ABCB11: variants seen among roughly 807,000 people sequenced by gnomAD.
ABCB11 encodes ATP binding cassette subfamily B member 11, also known as bile salt export pump.
A neutral mutation model predicts 148.0 loss-of-function variants in ABCB11; 95 were observed. That is an observed-to-expected ratio of 0.64 (90% confidence interval 0.54 to 0.76). The LOEUF (loss-of-function observed/expected upper bound fraction) is 0.76, where lower values mean the gene tolerates loss of function less well. ABCB11 is among the 30% of genes least tolerant of loss of function. ABCB11 has a pLI of 0.00. For missense variants in ABCB11, 1,523 were observed against 1,617.8 expected (o/e 0.94, Z 1.01); for synonymous variants, 591 against 555.4 (o/e 1.06, Z -0.90).
chr2:169,004,787 G>A (rs1187585259), intron 5 of ABCB11, among the ~76,000 whole-genome samples: 1 of 152,150 alleles, frequency 6.6e-6, no homozygotes, highest in East Asian at 1.9e-4. Flanking sequence ...CTATGTCAGA[G>A]GGAAGATCTG....
rs66474338 is a variant in ABCB11, at chr2:168,969,116, T to TA, written c.2011+233dup. Among the ~76,000 whole-genome samples the TA allele has an allele frequency of 0.53, 73,537 of 139,978 alleles. 19,270 individuals carry two copies. Among genetic ancestry groups the TA allele is most frequent in the Non-Finnish European group, 0.59 (38,473 of 65,098 alleles). The allele number at this position is 139,978 out of a possible 152,430, so 91.8% of individuals were successfully genotyped here. A position where few individuals can be genotyped will look rare whatever the true frequency, so the allele number is the denominator to read the frequency against. On this transcript the variant is annotated intron_variant, in intron 16 of 27. Coordinates refer to ENST00000650372, the MANE Select transcript of ABCB11 (RefSeq NM_003742.4). ...GAAGCCTCTTCTATTTGCGCAGGGTTAAAAAAAAAAAAAAAGGGGGGGATG... is the reference window on the plus strand; with the variant it reads ...GAAGCCTCTTCTATTTGCGCAGGGTTAAAAAAAAAAAAAAAAGGGGGGGATG...
At chr2:168,981,714 C>T (rs780399578) in intron 10 of ABCB11, among the ~76,000 whole-genome samples, 4 of 152,056 alleles carry the variant, frequency 2.6e-5, no homozygotes, top group African/African-American at 7.2e-5. Flanking sequence ...GCCCTAGATC[C>T]GGGGCCAGCA....
In ABCB11 at chr2:168,936,412, T is replaced by C; in HGVS notation, c.2632A>G (p.Met878Val). 2 of 1,613,914 alleles carry C rather than the reference T, an allele frequency of 1.2e-6. No homozygotes were observed. The highest frequency in any genetic ancestry group is 2.7e-5 in the African/African-American group (2 of 75,030). The change falls in exon 22 of 28, where the codon ATG becomes GTG. Residue 878 changes from methionine to valine, a missense_variant. By Grantham distance (21) the Met-to-Val change is conservative. Coordinates refer to ENST00000650372, the MANE Select transcript of ABCB11 (RefSeq NM_003742.4). The stretch of plus-strand genomic sequence containing the variant: ...ACGTTAGTGAAGGAATTGACTATCA[T>C]CCCGATCTGAGAGCCGGCAGCCTGC... ...VQGAAGSQIG[M>V]IVNSFTNVTV...
chr2:168,986,326 C>A, intron 9 of ABCB11, 42 bp from the exon 10 acceptor site: 1 of 1,547,418 alleles, frequency 6.5e-7, no homozygotes, highest in African/African-American at 1.4e-5. Flanking sequence ...GCAGAAACAG[C>A]TCAAGTTATA....
intron 23 of ABCB11, among the ~76,000 whole-genome samples, chr2:168,934,054 GC>G (rs1691708178): frequency 6.6e-6 from 1 of 151,892 alleles, no homozygotes; most frequent in Admixed American, 6.6e-5. Context: ...CCAGCCTGTA[GC>G]CCCAGATTTT....
chr2:169,020,069 T>C (rs1179370141), intron 1 of ABCB11, among the ~76,000 whole-genome samples: 1 of 152,178 alleles, frequency 6.6e-6, no homozygotes, highest in Admixed American at 6.6e-5. Flanking sequence ...AAGTATAACC[T>C]TTTATATTTC....
At chr2:168,931,625 A>G (rs1691572027) in intron 24 of ABCB11, among the ~76,000 whole-genome samples, 1 of 152,242 alleles carries the variant, frequency 6.6e-6, no homozygotes, top group African/African-American at 2.4e-5. Context: ...GAATTAAATC[A>G]ATGTTATTGG....
chr2:168,915,974 ATC>A (rs1690933834), downstream of ABCB11, among the ~76,000 whole-genome samples: 1 of 152,214 alleles, frequency 6.6e-6, no homozygotes, highest in African/African-American at 2.4e-5. Flanking sequence ...ACTCAGCTGC[ATC>A]TCTCCCTGCA....
intron 19 of ABCB11, among the ~76,000 whole-genome samples, chr2:168,948,124 C>G (rs1049667266): frequency 6.6e-6 from 1 of 151,656 alleles, no homozygotes; most frequent in East Asian, 2.0e-4. Flanking sequence ...GATCTCCTGA[C>G]AGGAAAGTCA....
At chr2:168,963,200 G>T (rs1272547232) in intron 18 of ABCB11, among the ~76,000 whole-genome samples, 1 of 151,664 alleles carries the variant, frequency 6.6e-6, no homozygotes, top group Non-Finnish European at 1.5e-5. Flanking sequence ...TGCAGTTGGG[G>T]TTTTATTTTA....
At chr2:169,001,831 A>G (rs1408564405) in intron 5 of ABCB11, among the ~76,000 whole-genome samples, 2 of 152,188 alleles carry the variant, frequency 1.3e-5, no homozygotes, top group African/African-American at 4.8e-5. Flanking sequence ...TATCAGGCAT[A>G]AGATACCCAG....
chr2:168,930,175 A>G (rs760053363), intron 25 of ABCB11, among the ~76,000 whole-genome samples: 5 of 152,238 alleles, frequency 3.3e-5, no homozygotes, highest in Non-Finnish European at 5.9e-5. Flanking sequence ...TATCCTTGCT[A>G]AAGATTTATG....
chr2:168,970,355 C>T (rs757696342), intron 14 of ABCB11, 140 bp from the exon 15 acceptor site: 182 of 1,537,076 alleles, frequency 1.2e-4, no homozygotes, highest in Non-Finnish European at 1.5e-4. Flanking sequence ...AAAGAAATAT[C>T]CCTTCCCCAG....
intron 2 of ABCB11, 98 bp from the exon 3 acceptor site, chr2:169,016,897 A>G (rs1695374909): frequency 2.3e-6 from 2 of 854,804 alleles, no homozygotes; most frequent in East Asian, 5.4e-5. Flanking sequence ...TATTCCTATA[A>G]ATTACCTTTA....
intron 1 of ABCB11, among the ~76,000 whole-genome samples, chr2:169,023,914 C>T (rs1052385137): frequency 2.0e-5 from 3 of 151,998 alleles, no homozygotes; most frequent in East Asian, 1.9e-4. Context: ...GTTTAAGATA[C>T]GATAAAGTTG....
At chr2:168,973,865 GT>G in intron 12 of ABCB11, 25 bp from the exon 13 acceptor site, 9 of 1,607,904 alleles carry the variant, frequency 5.6e-6, no homozygotes, top group Non-Finnish European at 7.7e-6. Flanking sequence ...AAACAGCAAA[GT>G]TCAGATTGTC....
intron 5 of ABCB11, among the ~76,000 whole-genome samples, chr2:168,998,926 A>C (rs2106020492): frequency 1.3e-5 from 2 of 152,234 alleles, no homozygotes; most frequent in South Asian, 4.1e-4. Context: ...ACAACAGAAA[A>C]AACCTATCAG....
chr2:169,009,163 T>C (rs1425851855), intron 5 of ABCB11, among the ~76,000 whole-genome samples: 5 of 152,192 alleles, frequency 3.3e-5, no homozygotes, highest in African/African-American at 1.2e-4. Context: ...GGGGTTTCTT[T>C]TTCTAGTAAT....
chr2:169,022,835 G>T (rs1444739173), intron 1 of ABCB11, among the ~76,000 whole-genome samples: 6 of 151,936 alleles, frequency 3.9e-5, no homozygotes, highest in Admixed American at 3.9e-4. Flanking sequence ...ATGAAGCAAT[G>T]TTGATCCCAG....
Sources: allele counts gnomAD v4.1 joint callset (sites outside exome capture counted in the v4.1 genomes callset), GRCh38; gene constraint gnomAD v4.1.1; transcripts MANE v1.5; gene names NCBI Gene and HGNC (gene_info 2026-07-23, HGNC 2026-07-21).